HMBOX1: variants seen among roughly 807,000 people sequenced by gnomAD.
The protein encoded by HMBOX1 is homeobox containing 1.
A neutral mutation model predicts 54.5 loss-of-function variants in HMBOX1; 14 were observed. The ratio of observed to expected loss-of-function variants is 0.26; its 90% CI spans 0.17 to 0.40. The LOEUF (loss-of-function observed/expected upper bound fraction) is 0.40, where lower values mean the gene tolerates loss of function less well. Ranked by LOEUF, HMBOX1 falls within the 10% of genes least tolerant of loss-of-function variation. The probability of loss-of-function intolerance (pLI) is 1.00; values close to 1 mark genes in which losing one functional copy is unlikely to be tolerated. For synonymous variants in HMBOX1, 160 were observed against 181.0 expected (o/e 0.88, Z 0.93); for missense variants, 332 against 514.4 (o/e 0.65, Z 3.43).
At chr8:28,998,522 C>T (rs1280069134) in intron 4 of HMBOX1, among the ~76,000 whole-genome samples, 1 of 151,972 alleles carries the variant, frequency 6.6e-6, no homozygotes, top group Non-Finnish European at 1.5e-5. Flanking sequence ...CTTTTACTTT[C>T]AACCTAATTA....
chr8:28,900,265 A>ATATATAT (rs1311095400), intron 1 of HMBOX1, among the ~76,000 whole-genome samples: 56 of 39,844 alleles, frequency 1.4e-3, no homozygotes, highest in Admixed American at 5.1e-3. Flanking sequence ...AAAAAAAAAA[A>ATATATAT]AAAAAAATAT....
intron 1 of HMBOX1, among the ~76,000 whole-genome samples, chr8:28,925,835 C>T (rs1244407768): frequency 6.6e-6 from 1 of 152,054 alleles, no homozygotes; most frequent in Non-Finnish European, 1.5e-5. Flanking sequence ...TGACTTTTCT[C>T]TCAATTGTTA....
At chr8:28,911,259 G>T (rs573170088) in intron 1 of HMBOX1, among the ~76,000 whole-genome samples, 173 of 152,322 alleles carry the variant, frequency 1.1e-3, no homozygotes, top group African/African-American at 3.9e-3. Context: ...TGGGGGGAGG[G>T]TGCTGTCCTT....
chr8:28,898,861 C>T (rs558767492), intron 1 of HMBOX1, among the ~76,000 whole-genome samples: 23 of 152,242 alleles, frequency 1.5e-4, no homozygotes, highest in East Asian at 9.7e-4. Flanking sequence ...ATCCTTATCC[C>T]GTGACCTTGG....
chr8:28,947,866 G>A (rs1168385476), intron 1 of HMBOX1, among the ~76,000 whole-genome samples: 1 of 152,142 alleles, frequency 6.6e-6, no homozygotes, highest in African/African-American at 2.4e-5. Context: ...TAGGCTGTGA[G>A]ATCTTGATCT....
chr8:28,983,064 T>C (rs1829651656), intron 4 of HMBOX1, among the ~76,000 whole-genome samples: 1 of 152,172 alleles, frequency 6.6e-6, no homozygotes, highest in Non-Finnish European at 1.5e-5. Context: ...CATTTACACA[T>C]TTATTATCTA....
At chr8:28,954,084 A>T (rs1563457902) in intron 1 of HMBOX1, among the ~76,000 whole-genome samples, 1 of 152,044 alleles carries the variant, frequency 6.6e-6, no homozygotes, top group Non-Finnish European at 1.5e-5. Context: ...TTTTATATTT[A>T]TGTATATATG....
intron 1 of HMBOX1, among the ~76,000 whole-genome samples, chr8:28,894,299 A>G (rs1811633734): frequency 2.0e-5 from 3 of 152,094 alleles, no homozygotes; most frequent in South Asian, 4.1e-4. Context: ...TTTTATGTTT[A>G]TTTATTTATT....
At chr8:28,939,756 C>G (rs1028460792) in intron 1 of HMBOX1, among the ~76,000 whole-genome samples, 1 of 151,964 alleles carries the variant, frequency 6.6e-6, no homozygotes, top group African/African-American at 2.4e-5. Context: ...GTGATCCACC[C>G]GCCTCGGCCT....
intron 4 of HMBOX1, among the ~76,000 whole-genome samples, chr8:28,990,678 C>T (rs962341815): frequency 6.6e-5 from 10 of 151,954 alleles, no homozygotes; most frequent in African/African-American, 1.5e-4. Context: ...CTTTTTCAGA[C>T]GGTGTCTTGC....
intron 4 of HMBOX1, among the ~76,000 whole-genome samples, chr8:28,982,488 C>T (rs569922986): frequency 1.3e-5 from 2 of 151,994 alleles, no homozygotes; most frequent in Admixed American, 6.5e-5. Flanking sequence ...TGCTCTGTTC[C>T]CGAGGCTGGA....
At chr8:28,905,058 T>C (rs1814020795) in intron 1 of HMBOX1, among the ~76,000 whole-genome samples, 1 of 152,220 alleles carries the variant, frequency 6.6e-6, no homozygotes, top group South Asian at 2.1e-4. Flanking sequence ...AGTAAGGGAA[T>C]AAACCAGCTT....
intron 3 of HMBOX1, among the ~76,000 whole-genome samples, chr8:28,978,839 AAAAC>A (rs1299952088): frequency 6.6e-6 from 1 of 152,080 alleles, no homozygotes; most frequent in Non-Finnish European, 1.5e-5. Context: ...TACAAGACAG[AAAAC>A]AAACAGCCAC....
At chr8:28,978,620 C>G (rs779151471) in intron 3 of HMBOX1, among the ~76,000 whole-genome samples, 1 of 151,996 alleles carries the variant, frequency 6.6e-6, no homozygotes, top group Non-Finnish European at 1.5e-5. Context: ...AACCCCGACT[C>G]TACTAAAAAT....
chr8:28,917,535 C>CT (rs914867449), intron 1 of HMBOX1, among the ~76,000 whole-genome samples: 4 of 150,828 alleles, frequency 2.7e-5, no homozygotes, highest in Admixed American at 6.6e-5. Flanking sequence ...CCAGTCTGTG[C>CT]TTTTTTTTTC....
intron 4 of HMBOX1, among the ~76,000 whole-genome samples, chr8:28,992,869 CAA>C (rs34488854): frequency 2.8e-4 from 16 of 57,254 alleles, no homozygotes; most frequent in East Asian, 2.5e-3. Flanking sequence ...GACTCTGTCT[CAA>C]AAAAAAAAAA....
intron 4 of HMBOX1, 114 bp downstream of exon 4, chr8:28,980,270 C>A: frequency 1.3e-6 from 1 of 783,892 alleles, no homozygotes; most frequent in Non-Finnish European, 2.2e-6. Context: ...TCAACTTAGG[C>A]ATAATTATGT....
intron 1 of HMBOX1, among the ~76,000 whole-genome samples, chr8:28,918,897 C>A (rs946567154): frequency 2.0e-5 from 3 of 152,002 alleles, no homozygotes; most frequent in African/African-American, 7.3e-5. Flanking sequence ...AAGTCATAAC[C>A]CTGTTTTAAA....
intron 3 of HMBOX1, among the ~76,000 whole-genome samples, chr8:28,974,933 C>A (rs1252801236): frequency 6.6e-6 from 1 of 152,244 alleles, no homozygotes; most frequent in South Asian, 2.1e-4. Context: ...GATCTTAAAG[C>A]ATATCATTTT....
Sources: allele counts gnomAD v4.1 joint callset (sites outside exome capture counted in the v4.1 genomes callset), GRCh38; gene constraint gnomAD v4.1.1; transcripts MANE v1.5; gene names NCBI Gene and HGNC (gene_info 2026-07-23, HGNC 2026-07-21).